The following FTO variants were observed in gnomAD, a reference collection of about 807,000 sequenced individuals.
FTO encodes the protein alpha-ketoglutarate-dependent dioxygenase FTO.
Under a neutral mutation model 63.9 loss-of-function variants are expected in FTO, and 47 were observed. That is an observed-to-expected ratio of 0.74 (90% CI 0.58 to 0.94). The LOEUF (loss-of-function observed/expected upper bound fraction) is 0.94. FTO is among the 40% of genes least tolerant of loss of function. The probability of loss-of-function intolerance (pLI) is 0.00; values close to 1 mark genes in which losing one functional copy is unlikely to be tolerated. For synonymous variants in FTO, 207 were observed against 224.4 expected (o/e 0.92, Z 0.69); for missense variants, 562 against 618.1 (o/e 0.91, Z 0.96).
chr16:53,866,410 A>T (rs2080315765), intron 4 of FTO, among the ~76,000 whole-genome samples: 2 of 152,202 alleles, frequency 1.3e-5, no homozygotes, highest in South Asian at 2.1e-4. Context: ...GTTTGGAAGT[A>T]TTCCCTGTGT....
chr16:54,039,865 G>C (rs545784429), intron 8 of FTO: 30 of 152,288 alleles, frequency 2.0e-4, no homozygotes, highest in Admixed American at 1.7e-3. Flanking sequence ...CTCTATATTA[G>C]ATTGAAATCT....
intron 1 of FTO, among the ~76,000 whole-genome samples, chr16:53,808,765 G>C (rs965407019): frequency 2.6e-5 from 4 of 152,212 alleles, no homozygotes; most frequent in African/African-American, 9.6e-5. Context: ...TATTCTTATT[G>C]AGTGGGACTA....
intron 8 of FTO, among the ~76,000 whole-genome samples, chr16:54,018,384 T>TGATAGATAGATAGATAGATA (rs5816918): frequency 0.03 from 2,845 of 93,306 alleles, 37 homozygotes; most frequent in Non-Finnish European, 0.037. Context: ...GATAGATAGA[T>TGATAGATAGATAGATAGATA]GATAGATAGA....
chr16:53,898,404 C>G (rs770496166), intron 7 of FTO, among the ~76,000 whole-genome samples: 3 of 152,174 alleles, frequency 2.0e-5, no homozygotes, highest in Non-Finnish European at 4.4e-5. Context: ...ACCAAGCACT[C>G]TCTCATTGTA....
chr16:53,996,430 G>A (rs1295659328), intron 8 of FTO, among the ~76,000 whole-genome samples: 2 of 152,166 alleles, frequency 1.3e-5, no homozygotes, highest in East Asian at 1.9e-4. Context: ...TAACACTGGA[G>A]CATTCATCAT....
intron 1 of FTO, among the ~76,000 whole-genome samples, chr16:53,715,486 A>T (rs1474590961): frequency 6.6e-6 from 1 of 152,204 alleles, no homozygotes; most frequent in African/African-American, 2.4e-5. Flanking sequence ...TTGTCGATTG[A>T]ACCCATAGGC....
At chr16:54,058,675 G>C (rs1427440413) in intron 8 of FTO, among the ~76,000 whole-genome samples, 1 of 152,154 alleles carries the variant, frequency 6.6e-6, no homozygotes, top group African/African-American at 2.4e-5. Context: ...ACTGATTTAA[G>C]TGGGGAAAGG....
At chr16:53,823,532 T>C (rs1032172981) in intron 2 of FTO, among the ~76,000 whole-genome samples, 1 of 130,090 alleles carries the variant, frequency 7.7e-6, no homozygotes, top group African/African-American at 2.9e-5. Flanking sequence ...GGAGGTTTCA[T>C]AGGTATCTTC....
At chr16:53,786,332 C>T (rs1443895603) in intron 1 of FTO, among the ~76,000 whole-genome samples, 1 of 152,136 alleles carries the variant, frequency 6.6e-6, no homozygotes, top group East Asian at 1.9e-4. Context: ...GTGTGCTGCC[C>T]ATGGTGGTAC....
chr16:53,914,936 A>T (rs867146675), intron 7 of FTO, among the ~76,000 whole-genome samples: 71 of 152,186 alleles, frequency 4.7e-4, no homozygotes, highest in African/African-American at 1.6e-3. Context: ...ATGAAAATGG[A>T]CCCTTTTGTT....
chr16:53,850,352 A>G (rs1317325454), intron 4 of FTO, among the ~76,000 whole-genome samples: 2 of 150,478 alleles, frequency 1.3e-5, no homozygotes, highest in Non-Finnish European at 2.9e-5. Context: ...TTTTTTTTCC[A>G]GGGATGAGGA....
intron 1 of FTO, chr16:53,711,452 A>T: frequency 2.5e-6 from 1 of 398,610 alleles, no homozygotes; most frequent in East Asian, 3.6e-5. Context: ...CTGTCCATGG[A>T]AGGTAAGTAA....
At chr16:53,801,817 T>C (rs994997980) in intron 1 of FTO, among the ~76,000 whole-genome samples, 2 of 152,032 alleles carry the variant, frequency 1.3e-5, no homozygotes, top group Admixed American at 6.6e-5. Flanking sequence ...TGGAGTGCAG[T>C]GGTGTGAACT....
At chr16:53,946,484 C>T (rs1392536356) in intron 8 of FTO, among the ~76,000 whole-genome samples, 1 of 152,160 alleles carries the variant, frequency 6.6e-6, no homozygotes, top group African/African-American at 2.4e-5. Flanking sequence ...AAGATATGCT[C>T]ATATTAAGTT....
intron 1 of FTO, among the ~76,000 whole-genome samples, chr16:53,742,606 G>A (rs2076552398): frequency 1.3e-5 from 2 of 152,088 alleles, no homozygotes; most frequent in Admixed American, 1.3e-4. Context: ...TTGTAAATTA[G>A]CTTGTGACAA....
intron 8 of FTO, among the ~76,000 whole-genome samples, chr16:53,970,349 G>A (rs1000067379): frequency 1.3e-5 from 2 of 152,058 alleles, no homozygotes; most frequent in Non-Finnish European, 2.9e-5. Flanking sequence ...CAGCACTTTG[G>A]GAGGCCAAGG....
chr16:53,726,040 T>C (rs2076145565), intron 1 of FTO, among the ~76,000 whole-genome samples: 1 of 152,186 alleles, frequency 6.6e-6, no homozygotes, highest in African/African-American at 2.4e-5. Flanking sequence ...TATATGTTAA[T>C]GCACACACAT....
In FTO at chr16:53,813,217, T is replaced by C. The variant is rs927271419; in HGVS notation, c.123+3000T>C. On this transcript the variant is annotated intron_variant, in intron 2 of 8. Transcript: ENST00000471389. Reference sequence around the variant, plus strand: ...AGTGCACCTTGCTGTTTTTCTTTTCTTTTTTTTTTTTTGAGACAGCATCTC... The same window carrying C: ...AGTGCACCTTGCTGTTTTTCTTTTCCTTTTTTTTTTTTGAGACAGCATCTC... Among the ~76,000 whole-genome samples the C allele has an allele frequency of 2.0e-3, 219 of 109,784 alleles. 1 individual carries two copies. The highest frequency in any genetic ancestry group is 1.0e-2 in the African/African-American group (205 of 20,540). The allele number at this position is 109,784 out of a possible 152,430, so 72.0% of individuals were successfully genotyped here. A position where few individuals can be genotyped will look rare whatever the true frequency, so the allele number is the denominator to read the frequency against.
Position 53,941,593 on chromosome 16 carries a change from T to C in FTO, c.1364+7484T>C, listed in dbSNP as rs185311487. 2.2e-4 allele frequency among the ~76,000 whole-genome samples: 34 copies of C among 152,314 alleles called. 1 individual carries two copies. Among genetic ancestry groups the C allele is most frequent in the African/African-American group, 7.9e-4 (33 of 41,574 alleles). The stretch of plus-strand genomic sequence containing the variant: ...CAGGTGCAGTGGCTCAGGCCTGTAA[T>C]CCCAACTCTTTGGGAGGCTGAGGCG... On this transcript the variant is annotated intron_variant, in intron 8 of 8. Coordinates refer to ENST00000471389, the MANE Select transcript of FTO (RefSeq NM_001080432.3).
Sources: gnomAD v4.1 joint callset for allele counts (sites outside exome capture counted in the v4.1 genomes callset) on GRCh38, gnomAD v4.1.1 for gene constraint, MANE v1.5 for transcripts, NCBI Gene and HGNC (gene_info 2026-07-23, HGNC 2026-07-21) for gene names.